Variants in SH3D19 observed in about 807,000 individuals in gnomAD.
SH3D19 encodes the protein SH3 domain containing 19.
A neutral mutation model predicts 112.1 loss-of-function variants in SH3D19; 58 were observed. That is an observed-to-expected ratio of 0.52 (90% CI 0.42 to 0.64). The LOEUF (loss-of-function observed/expected upper bound fraction) is 0.64. SH3D19 is among the 30% of genes least tolerant of loss of function. The probability of loss-of-function intolerance (pLI) is 0.00; values close to 1 mark genes in which losing one functional copy is unlikely to be tolerated. For missense variants in SH3D19, 1,090 were observed against 1,263.4 expected, an observed-to-expected ratio of 0.86 and a Z score of 2.08; for synonymous variants, 391 against 448.5, an observed-to-expected ratio of 0.87 and a Z score of 1.62.
chr4:151,133,109 C>G lies in SH3D19; in HGVS notation c.2614G>C (p.Gly872Arg). Residue 872 changes from glycine to arginine, a missense_variant, in exon 16 of 20, where the codon GGC (glycine) becomes CGC (arginine). Physicochemically the swap from Gly to Arg is moderately radical, Grantham distance 125 (BLOSUM62 -2). Transcript: ENST00000604030. ...TTCAGGGGGAAAATCCCAGTTCTGC[C>G]TCGAACTTCTCCTCTGGCCCATTCC... ...NEEWARGEVR[G>R]RTGIFPLNFV... The G allele has an allele frequency of 6.2e-7, 1 of 1,614,120 alleles. No homozygotes were observed. Among genetic ancestry groups the G allele is most frequent in the African/African-American group, 1.3e-5 (1 of 75,044 alleles).
rs1761482143 is a variant in SH3D19 at position 151,184,771 on chromosome 4, T to TC, written c.193+2651dup. ...AAATTACAGTCCATATCTCTCCTGT[T>TC]CACCACCAAATTTCATAGAAGAGTA... On this transcript the variant is annotated intron_variant, in intron 3 of 19. Coordinates refer to ENST00000604030, the MANE Select transcript of SH3D19 (RefSeq NM_001378122.1). Among the ~76,000 whole-genome samples the TC allele has an allele frequency of 2.0e-5, 3 of 152,182 alleles. No homozygotes were observed. In the South Asian group the frequency reaches 6.2e-4, roughly 32 times the overall value.
intron 1 of SH3D19, among the ~76,000 whole-genome samples, chr4:151,232,431 G>C (rs1769683916): frequency 6.6e-6 from 1 of 152,086 alleles, no homozygotes; most frequent in Non-Finnish European, 1.5e-5. Flanking sequence ...TAATGCCAGT[G>C]ACATTCTTAG....
intron 1 of SH3D19, among the ~76,000 whole-genome samples, chr4:151,285,795 A>G (rs13126943): frequency 0.36 from 54,832 of 151,826 alleles, 10,893 homozygotes; most frequent in Middle Eastern, 0.45. Flanking sequence ...TGAGCCCAGA[A>G]GTTCACATAT....
At chr4:151,124,813 C>CA (rs1384976188) in intron 19 of SH3D19, among the ~76,000 whole-genome samples, 1 of 152,010 alleles carries the variant, frequency 6.6e-6, no homozygotes, top group African/African-American at 2.4e-5. Flanking sequence ...ACAACAATAA[C>CA]AACAACAATT....
chr4:151,215,256 A>G (rs867622430), intron 2 of SH3D19, among the ~76,000 whole-genome samples: 2 of 152,216 alleles, frequency 1.3e-5, no homozygotes, highest in Non-Finnish European at 2.9e-5. Flanking sequence ...ACTTCAGTTT[A>G]TAAGGCCTCT....
intron 1 of SH3D19, among the ~76,000 whole-genome samples, chr4:151,271,511 G>T (rs1172506764): frequency 6.6e-6 from 1 of 152,154 alleles, no homozygotes; most frequent in Non-Finnish European, 1.5e-5. Flanking sequence ...TCACAACTAG[G>T]TGTAGTAGGT....
chr4:151,319,871 T>C (rs183373812), intron 1 of SH3D19, among the ~76,000 whole-genome samples: 83 of 152,294 alleles, frequency 5.4e-4, no homozygotes, highest in African/African-American at 1.8e-3. Flanking sequence ...GGAGCATCAA[T>C]AGTAACTGAC....
At chr4:151,310,783 G>A (rs969231178) in intron 1 of SH3D19, among the ~76,000 whole-genome samples, 1 of 151,392 alleles carries the variant, frequency 6.6e-6, no homozygotes, top group South Asian at 2.1e-4. Context: ...TGTTGACCAG[G>A]CTGGTCTCGA....
intron 7 of SH3D19, among the ~76,000 whole-genome samples, chr4:151,172,779 G>C (rs190188016): frequency 6.6e-6 from 1 of 152,220 alleles, no homozygotes; most frequent in Non-Finnish European, 1.5e-5. Context: ...GACACGGTGA[G>C]AAGACTCAAG....
At chr4:151,200,953 T>A (rs1402617065) in intron 2 of SH3D19, among the ~76,000 whole-genome samples, 1 of 152,250 alleles carries the variant, frequency 6.6e-6, no homozygotes, top group Non-Finnish European at 1.5e-5. Flanking sequence ...CTCACATTTA[T>A]CAGCATACCA....
chr4:151,199,269 A>G (rs1764041060), intron 2 of SH3D19, among the ~76,000 whole-genome samples: 1 of 152,172 alleles, frequency 6.6e-6, no homozygotes, highest in African/African-American at 2.4e-5. Flanking sequence ...CATTAGGACT[A>G]CAGACTCTGA....
At position 151,159,118 on chromosome 4, in the gene SH3D19, T is replaced by C. The variant is rs534138423; in HGVS notation, c.1755+122A>G. The C allele has an allele frequency of 2.3e-5, 12 of 520,498 alleles. No homozygotes were observed. The South Asian group carries it at 4.7e-4, about 20-fold the overall frequency. The allele number at this position is 520,498 out of a possible 1,614,324, so 32.2% of individuals were successfully genotyped here. A position where few individuals can be genotyped will look rare whatever the true frequency, so the allele number is the denominator to read the frequency against. On this transcript the variant is annotated intron_variant, in intron 9 of 19. Coordinates refer to ENST00000604030, the MANE Select transcript of SH3D19 (RefSeq NM_001378122.1). ...AGTACATGGGGCTTAGAGACTGGTC[T>C]CTAATAGAGGGTTCTTGTTTTTAAT...
chr4:151,311,146 T>C (rs1729422728), intron 1 of SH3D19, among the ~76,000 whole-genome samples: 1 of 151,484 alleles, frequency 6.6e-6, no homozygotes, highest in South Asian at 2.1e-4. Context: ...TATATATGTA[T>C]ACACACACAG....
chr4:151,210,614 G>A (rs1212927551), intron 2 of SH3D19, among the ~76,000 whole-genome samples: 1 of 151,980 alleles, frequency 6.6e-6, no homozygotes, highest in East Asian at 1.9e-4. Context: ...TGTTAGCCAG[G>A]ATGGTCTTGA....
At chr4:151,241,121 CAAA>C (rs35676908) in intron 1 of SH3D19, among the ~76,000 whole-genome samples, 15 of 147,846 alleles carry the variant, frequency 1.0e-4, no homozygotes, top group Admixed American at 1.3e-4. Context: ...GTGATCTCTA[CAAA>C]AAAAAAAAAA....
chr4:151,147,521 G>T (rs1006472365), intron 11 of SH3D19, among the ~76,000 whole-genome samples: 1 of 152,188 alleles, frequency 6.6e-6, no homozygotes, highest in Non-Finnish European at 1.5e-5. Context: ...GAGTGCAGTG[G>T]TGCAATCTTG....
intron 9 of SH3D19, among the ~76,000 whole-genome samples, chr4:151,154,035 C>T (rs1755587609): frequency 6.6e-6 from 1 of 151,924 alleles, no homozygotes; most frequent in African/African-American, 2.4e-5. Flanking sequence ...GATCTCGGCT[C>T]ACTGCAACCT....
chr4:151,150,228 T>TATATATAC (rs1554037677), intron 9 of SH3D19, among the ~76,000 whole-genome samples: 1 of 47,298 alleles, frequency 2.1e-5, no homozygotes, highest in Non-Finnish European at 6.1e-5. Context: ...TATATATATA[T>TATATATAC]ACACACACAC....
intron 15 of SH3D19, 146 bp downstream of exon 15, chr4:151,134,928 T>C: frequency 1.8e-6 from 1 of 567,136 alleles, no homozygotes; most frequent in Non-Finnish European, 3.1e-6. Context: ...CATCAAGCAA[T>C]CCTCCCACCT....
Sources: allele counts gnomAD v4.1 joint callset (sites outside exome capture counted in the v4.1 genomes callset), GRCh38; gene constraint gnomAD v4.1.1; transcripts MANE v1.5; gene names NCBI Gene and HGNC (gene_info 2026-07-23, HGNC 2026-07-21).